COG6: variants seen among roughly 807,000 people sequenced by gnomAD.
COG6 encodes the protein conserved oligomeric Golgi complex subunit 6.
Under a neutral mutation model 88.8 loss-of-function variants are expected in COG6, and 74 were observed. The ratio of observed to expected loss-of-function variants is 0.83; its 90% CI spans 0.69 to 1.01. The LOEUF (loss-of-function observed/expected upper bound fraction) is 1.01, where lower values mean the gene tolerates loss of function less well. COG6 is among the 50% of genes least tolerant of loss of function. The probability of loss-of-function intolerance (pLI) is 0.00; values close to 1 mark genes in which losing one functional copy is unlikely to be tolerated. For synonymous variants in COG6, 286 were observed against 278.7 expected (o/e 1.03, Z -0.26); for missense variants, 800 against 797.9 (o/e 1.00, Z -0.03).
chr13:39,699,926 T>C (rs1451301413), intron 13 of COG6, among the ~76,000 whole-genome samples: 1 of 151,874 alleles, frequency 6.6e-6, no homozygotes, highest in Non-Finnish European at 1.5e-5. Context: ...GGGGCTAAGA[T>C]GACATACAGA....
intron 18 of COG6, among the ~76,000 whole-genome samples, chr13:39,733,790 A>G (rs1879588692): frequency 6.6e-6 from 1 of 152,064 alleles, no homozygotes; most frequent in Admixed American, 6.6e-5. Flanking sequence ...TTGCTGAGAC[A>G]CTTTTTATTA....
At chr13:39,784,784 G>T (rs1434257357) in intron 18 of COG6, among the ~76,000 whole-genome samples, 1 of 152,150 alleles carries the variant, frequency 6.6e-6, no homozygotes, top group African/African-American at 2.4e-5. Context: ...GAACCTCTGG[G>T]CTCCCACTCT....
chr13:39,677,563 A>G lies in COG6; in HGVS notation c.524A>G (p.Glu175Gly). ...ATGAGTCTTCTCCGAGGTACAAGAG[A>G]AGGACCCATTACTGAGGTATCCTGG... ...DEMSLLRGTR[E>G]GPITEDFFKA... Residue 175 changes from glutamate (E) to glycine (G), a missense_variant, in exon 5 of 19, where the codon GAA becomes GGA. Physicochemically the swap from Glu to Gly is moderately conservative, Grantham distance 98. Transcript: ENST00000455146. The G allele has an allele frequency of 6.2e-7, 1 of 1,604,704 alleles. No homozygotes were observed. Among genetic ancestry groups the G allele is most frequent in the Non-Finnish European group, 8.5e-7 (1 of 1,171,718 alleles).
intron 12 of COG6, among the ~76,000 whole-genome samples, chr13:39,698,316 G>GC (rs1245581724): frequency 6.6e-6 from 1 of 151,838 alleles, no homozygotes; most frequent in African/African-American, 2.4e-5. Flanking sequence ...TGTTTTCATT[G>GC]CATGTGCAGG....
At chr13:39,669,592 G>T (rs1345571530) in intron 4 of COG6, among the ~76,000 whole-genome samples, 3 of 152,140 alleles carry the variant, frequency 2.0e-5, no homozygotes, top group Admixed American at 6.5e-5. Context: ...TTGAGTAAAT[G>T]AATATGGAAA....
chr13:39,697,934 G>A (rs569713846), intron 12 of COG6, among the ~76,000 whole-genome samples: 1 of 152,056 alleles, frequency 6.6e-6, no homozygotes, highest in South Asian at 2.1e-4. Flanking sequence ...GTGTTGTGGT[G>A]GAGGAGGAGA....
chr13:39,662,983 C>T (rs1875005076), intron 3 of COG6, among the ~76,000 whole-genome samples: 1 of 151,716 alleles, frequency 6.6e-6, no homozygotes, highest in African/African-American at 2.4e-5. Context: ...AATGCTTTGA[C>T]TATGGTACCT....
At chr13:39,663,950 A>G (rs1311158179) in intron 3 of COG6, 1 of 153,048 alleles carries the variant, frequency 6.5e-6, no homozygotes, top group Non-Finnish European at 1.5e-5. Flanking sequence ...TTGTTTTCTT[A>G]AAAAATCTAT....
At chr13:39,781,507 C>G (rs901498166) in intron 18 of COG6, among the ~76,000 whole-genome samples, 3 of 149,996 alleles carry the variant, frequency 2.0e-5, no homozygotes, top group Non-Finnish European at 4.4e-5. Context: ...ATTTTAGATG[C>G]AGGCTGTGAT....
rs767033435 is a variant in COG6 at position 39,655,819 on chromosome 13, C to T, written c.93C>T (p.Thr31=). Residue 31 remains threonine (T), a synonymous_variant, in exon 1 of 19, where the codon ACC becomes ACT. Transcript: ENST00000455146. The part of the protein sequence containing the change: ...NNGAGGTSAT[T]CNPLSRKLHK... Reference sequence around the variant, plus strand: ...GGGCAGGCGGGACCTCGGCGACGACCTGCAACCCGCTGTCGCGCAAGCTGC... The same window carrying T: ...GGGCAGGCGGGACCTCGGCGACGACTTGCAACCCGCTGTCGCGCAAGCTGC... 3 of 1,601,958 alleles carry T rather than the reference C, an allele frequency of 1.9e-6. No individual in the cohort carries two copies.
At chr13:39,656,046 T>A in intron 1 of COG6, 167 bp downstream of exon 1, 1 of 876,070 alleles carries the variant, frequency 1.1e-6, no homozygotes, top group Non-Finnish European at 1.9e-6. Context: ...CCGGGGGCGG[T>A]GAGAAGGGGG....
In COG6 at chr13:39,669,710, T is replaced by C. The variant is rs1042800392; in HGVS notation, c.428+4556T>C. Among the ~76,000 whole-genome samples, 13 of 152,322 alleles carry C rather than the reference T, an allele frequency of 8.5e-5. No homozygotes were observed. In the East Asian group the frequency reaches 2.5e-3, roughly 29 times the overall value. ...TATATAGGAGACAATATTAGAACAT[T>C]GTGCTTCTGTTCATGTGTTCTCAAA... On this transcript the variant is annotated intron_variant, in intron 4 of 18. Coordinates refer to ENST00000455146, the MANE Select transcript of COG6 (RefSeq NM_020751.3).
intron 4 of COG6, among the ~76,000 whole-genome samples, chr13:39,675,029 A>G (rs923739775): frequency 1.3e-5 from 2 of 152,158 alleles, no homozygotes; most frequent in African/African-American, 4.8e-5. Context: ...TTTTGTTAGT[A>G]CATATAGATC....
intron 18 of COG6, among the ~76,000 whole-genome samples, chr13:39,735,539 C>G (rs912160649): frequency 6.6e-6 from 1 of 152,146 alleles, no homozygotes; most frequent in African/African-American, 2.4e-5. Context: ...GTAGTTTACA[C>G]ACCATGGTTA....
intron 18 of COG6, among the ~76,000 whole-genome samples, chr13:39,778,993 C>T (rs938378693): frequency 6.6e-6 from 1 of 152,192 alleles, no homozygotes; most frequent in Non-Finnish European, 1.5e-5. Flanking sequence ...AGAATTGAGT[C>T]TCTAAGTCTG....
In COG6 at chr13:39,752,498, C is replaced by G. The variant is rs1296966121; in HGVS notation, c.*1405C>G. On this transcript the variant is annotated 3_prime_UTR_variant, in exon 19 of 19. Coordinates refer to ENST00000455146, the MANE Select transcript of COG6 (RefSeq NM_020751.3). ...CAGAAAATAAAGTATAAATCAAGAG[C>G]TTAAATTGTATATAATTTATTTCTA... is the stretch of plus-strand genomic sequence containing the variant. 8.7e-7 allele frequency: 1 copy of G among 1,151,822 alleles called. No individual in the cohort carries two copies. The allele number at this position is 1,151,822 out of a possible 1,614,324, so 71.4% of individuals were successfully genotyped here. A position where few individuals can be genotyped will look rare whatever the true frequency, so the allele number is the denominator to read the frequency against.
At chr13:39,667,522 C>A (rs1202102983) in intron 4 of COG6, among the ~76,000 whole-genome samples, 3 of 152,110 alleles carry the variant, frequency 2.0e-5, no homozygotes, top group Non-Finnish European at 4.4e-5. Flanking sequence ...ATGATCATAT[C>A]CCCCACATTG....
intron 15 of COG6, among the ~76,000 whole-genome samples, chr13:39,721,440 A>G (rs769676789): frequency 6.6e-6 from 1 of 152,238 alleles, no homozygotes; most frequent in Non-Finnish European, 1.5e-5. Context: ...TCAGCAGATA[A>G]TTCAGGTTCC....
chr13:39,657,882 G>A (rs1874625892), intron 1 of COG6, among the ~76,000 whole-genome samples: 1 of 152,064 alleles, frequency 6.6e-6, no homozygotes, highest in Non-Finnish European at 1.5e-5. Context: ...CATCTACTGA[G>A]CTCCAGATTT....
Sources: allele counts gnomAD v4.1 joint callset (sites outside exome capture counted in the v4.1 genomes callset), GRCh38; gene constraint gnomAD v4.1.1; transcripts MANE v1.5; gene names NCBI Gene and HGNC (gene_info 2026-07-23, HGNC 2026-07-21).